The following SV2C variants were observed in gnomAD, a reference collection of about 807,000 sequenced individuals.
The protein encoded by SV2C is solute carrier family 22 member B3.
SV2C carries 49 observed loss-of-function variants against 79.7 expected under a neutral mutation model. That is an observed-to-expected ratio of 0.61 (90% CI 0.49 to 0.78). SV2C has a LOEUF of 0.78. SV2C is among the 30% of genes least tolerant of loss of function. The probability of loss-of-function intolerance (pLI) is 0.00; values close to 1 mark genes in which losing one functional copy is unlikely to be tolerated. For synonymous variants in SV2C, 334 were observed against 333.2 expected (o/e 1.00, Z -0.03); for missense variants, 833 against 912.9 (o/e 0.91, Z 1.13).
chr5:76,340,513 A>T (rs2937737), intron 12 of SV2C, among the ~76,000 whole-genome samples: 87,809 of 151,904 alleles, frequency 0.58, 26,351 homozygotes, highest in East Asian at 0.94. Context: ...AGGATATTCC[A>T]GGAAGTCATC....
chr5:75,900,095 G>T, the SV2C span, among the ~76,000 whole-genome samples: 1 of 152,174 alleles, frequency 6.6e-6, no homozygotes, highest in Non-Finnish European at 1.5e-5. Flanking sequence ...GTGTGAATTT[G>T]ATCCTGTCAT....
chr5:76,211,938 T>G (rs781146777), intron 4 of SV2C, among the ~76,000 whole-genome samples: 1 of 152,126 alleles, frequency 6.6e-6, no homozygotes, highest in African/African-American at 2.4e-5. Context: ...GAGAACTTCT[T>G]TGCTGAACAT....
intron 4 of SV2C, among the ~76,000 whole-genome samples, chr5:76,224,727 G>A (rs1005628553): frequency 2.0e-5 from 3 of 152,062 alleles, no homozygotes; most frequent in African/African-American, 7.3e-5. Flanking sequence ...TCTAGAGTGG[G>A]GTCCCCAGAA....
intron 2 of SV2C, among the ~76,000 whole-genome samples, chr5:76,159,761 C>G (rs1470254825): frequency 6.6e-6 from 1 of 152,036 alleles, no homozygotes; most frequent in African/African-American, 2.4e-5. Context: ...TATGACCTCA[C>G]CTTAACTAAT....
At chr5:76,261,529 A>C (rs1250790865) in intron 4 of SV2C, among the ~76,000 whole-genome samples, 3 of 152,202 alleles carry the variant, frequency 2.0e-5, no homozygotes, top group African/African-American at 7.2e-5. Context: ...CCAGTTTTCA[A>C]AGGGAACGCT....
At position 76,254,257 on chromosome 5, in the gene SV2C, T is replaced by TATAGAG. The variant is rs1053047235; in HGVS notation, c.914-30904_914-30903insTAGAGA. 8.9e-3 allele frequency among the ~76,000 whole-genome samples: 1,333 copies of TATAGAG among 149,386 alleles called. 22 individuals are homozygous for TATAGAG. The highest frequency in any genetic ancestry group is 0.031 in the African/African-American group (1,247 of 40,342). Reference sequence around the variant, plus strand: ...GTGTGTGTGTATATATATATATATATAGAGAGAGAGAGAGAGATATTAAAA... The same window carrying TATAGAG: ...GTGTGTGTGTATATATATATATATATATAGAGAGAGAGAGAGAGAGAGATATTAAAA... On this transcript the variant is annotated intron_variant, in intron 4 of 12. Coordinates refer to ENST00000502798, the MANE Select transcript of SV2C (RefSeq NM_014979.4).
At chr5:76,351,091 A>G (rs1294716279) in intron 12 of SV2C, among the ~76,000 whole-genome samples, 2 of 152,182 alleles carry the variant, frequency 1.3e-5, no homozygotes, top group African/African-American at 4.8e-5. Flanking sequence ...GGTCGGTGCA[A>G]CTTCAGATTG....
chr5:76,281,390 T>C lies in SV2C; in HGVS notation c.914-3772T>C, dbSNP rs543880108. 1.6e-4 allele frequency: 38 copies of C among 242,780 alleles called. No homozygotes were observed. The East Asian group carries it at 4.5e-3, about 29-fold the overall frequency. 15.0% of individuals were successfully genotyped at this position (242,780 alleles called of 1,614,324 possible). On this transcript the variant is annotated intron_variant, in intron 4 of 12. Coordinates refer to ENST00000502798, the MANE Select transcript of SV2C (RefSeq NM_014979.4). ...GCCTTTTTTAAAAATAAACTTGTTATGCAAAGTAAAAAAAAAAAAAAAGGC... is the reference window on the plus strand; with the variant it reads ...GCCTTTTTTAAAAATAAACTTGTTACGCAAAGTAAAAAAAAAAAAAAAGGC...
the SV2C span, among the ~76,000 whole-genome samples, chr5:76,048,191 A>T: frequency 6.6e-6 from 1 of 152,320 alleles, no homozygotes; most frequent in African/African-American, 2.4e-5. Flanking sequence ...TCATGTGATT[A>T]TGGAGGCTAA....
At chr5:75,986,335 T>C in the SV2C span, among the ~76,000 whole-genome samples, 1 of 151,640 alleles carries the variant, frequency 6.6e-6, no homozygotes, top group Non-Finnish European at 1.5e-5. Flanking sequence ...CCAGAAGAGA[T>C]GGAGACGGAT....
the SV2C span, among the ~76,000 whole-genome samples, chr5:76,031,321 G>C: frequency 7.2e-5 from 11 of 152,336 alleles, no homozygotes; most frequent in East Asian, 1.7e-3. Context: ...CAGAGGGTCT[G>C]TATCCCAGAC....
At chr5:75,997,217 G>C in the SV2C span, among the ~76,000 whole-genome samples, 1 of 152,036 alleles carries the variant, frequency 6.6e-6, no homozygotes, top group Non-Finnish European at 1.5e-5. Flanking sequence ...TTCGTCAAAG[G>C]CCTTTTCTGC....
the SV2C span, among the ~76,000 whole-genome samples, chr5:75,877,057 T>G: frequency 6.9e-3 from 1,042 of 152,046 alleles, 4 homozygotes; most frequent in African/African-American, 0.011. Context: ...GAAGACACAT[T>G]TTAGATCGAA....
chr5:76,177,720 C>G (rs878887574), intron 2 of SV2C, among the ~76,000 whole-genome samples: 1 of 151,992 alleles, frequency 6.6e-6, no homozygotes, highest in Non-Finnish European at 1.5e-5. Flanking sequence ...TTGTATCTCA[C>G]ACTCCTGTGT....
At chr5:75,907,524 A>C in the SV2C span, among the ~76,000 whole-genome samples, 1 of 152,162 alleles carries the variant, frequency 6.6e-6, no homozygotes. Flanking sequence ...CCCACACAAA[A>C]CTGCTAAGAA....
rs141359816 is a variant in SV2C, at chr5:76,329,351, C to T, written c.*3804C>T. ...AATTGCAATATTACCCTACAGCTCTCCTGACTGTTTATTCCATTATTTTCT... is the reference window on the plus strand; with the variant it reads ...AATTGCAATATTACCCTACAGCTCTTCTGACTGTTTATTCCATTATTTTCT... On this transcript the variant is annotated 3_prime_UTR_variant, in exon 13 of 13. Coordinates refer to ENST00000502798, the MANE Select transcript of SV2C (RefSeq NM_014979.4). The T allele has an allele frequency of 1.9e-4, 29 of 152,286 alleles. No homozygotes were observed. Among genetic ancestry groups the T allele is most frequent in the African/African-American group, 6.5e-4 (27 of 41,564 alleles). The allele number at this position is 152,286 out of a possible 1,614,324, so 9.4% of individuals were successfully genotyped here.
rs375800023 is a variant in SV2C at position 76,287,979 on chromosome 5, G to T, written c.1137+2109G>T. On this transcript the variant is annotated intron_variant, in intron 6 of 12. Coordinates refer to ENST00000502798, the MANE Select transcript of SV2C (RefSeq NM_014979.4). ...ACCTGCCTGTAATCCCAGCTACTCGGGAAGCTGAGGCAGGAGAATGGCTTG... is the reference window on the plus strand; with the variant it reads ...ACCTGCCTGTAATCCCAGCTACTCGTGAAGCTGAGGCAGGAGAATGGCTTG... 1.6e-4 allele frequency among the ~76,000 whole-genome samples: 25 copies of T among 152,188 alleles called. No homozygotes were observed. In the South Asian group the frequency reaches 4.8e-3, roughly 29 times the overall value.
At chr5:76,225,548 T>A (rs2112387335) in intron 4 of SV2C, among the ~76,000 whole-genome samples, 1 of 152,224 alleles carries the variant, frequency 6.6e-6, no homozygotes. Flanking sequence ...GGAAACAGTA[T>A]GGGTTAGAAC....
Position 76,325,563 on chromosome 5 carries a change from T to A in SV2C, c.*16T>A. ...TCTGATGTAATGGGAAAAAAAGCCA[T>A]CCTTCCTGCGTTTCTTCCTCCTGCC... On this transcript the variant is annotated 3_prime_UTR_variant, in exon 13 of 13. Coordinates refer to ENST00000502798, the MANE Select transcript of SV2C (RefSeq NM_014979.4). 1 of 1,612,348 alleles carries A rather than the reference T, an allele frequency of 6.2e-7. No individual in the cohort carries two copies.
Sources: allele counts gnomAD v4.1 joint callset (sites outside exome capture counted in the v4.1 genomes callset), GRCh38; gene constraint gnomAD v4.1.1; transcripts MANE v1.5; gene names NCBI Gene and HGNC (gene_info 2026-07-23, HGNC 2026-07-21).